Variants in TFG observed in about 807,000 individuals in gnomAD.
The protein encoded by TFG is trafficking from ER to golgi regulator.
A neutral mutation model predicts 51.4 loss-of-function variants in TFG; 22 were observed. The ratio of observed to expected loss-of-function variants is 0.43; its 90% confidence interval spans 0.31 to 0.61. The LOEUF (loss-of-function observed/expected upper bound fraction) is 0.61, where lower values mean the gene tolerates loss of function less well. Ranked by LOEUF, TFG falls within the 20% of genes least tolerant of loss-of-function variation. The pLI is 0.12. For synonymous variants in TFG, 187 were observed against 165.6 expected (o/e 1.13, Z -0.99); for missense variants, 419 against 487.7 (o/e 0.86, Z 1.33).
chr3:100,713,935 C>T (rs2095038271), intron 2 of TFG, 66 bp downstream of exon 2: 1 of 1,066,380 alleles, frequency 9.4e-7, no homozygotes, highest in Admixed American at 2.8e-5. Context: ...GACAGAGCCT[C>T]TGTTGCCCAG....
chr3:100,713,343 A>T (rs1370852763), intron 1 of TFG, among the ~76,000 whole-genome samples: 1 of 152,220 alleles, frequency 6.6e-6, no homozygotes, highest in Non-Finnish European at 1.5e-5. Flanking sequence ...AGCCTCTAGG[A>T]GAGGCAGGTT....
intron 6 of TFG, among the ~76,000 whole-genome samples, chr3:100,738,412 T>A (rs1034013090): frequency 6.6e-6 from 1 of 152,250 alleles, no homozygotes; most frequent in Non-Finnish European, 1.5e-5. Flanking sequence ...CAATGACAGT[T>A]GGAAGGATCA....
intron 5 of TFG, among the ~76,000 whole-genome samples, chr3:100,733,824 G>GA (rs1559717115): frequency 6.6e-6 from 1 of 151,996 alleles, no homozygotes; most frequent in Non-Finnish European, 1.5e-5. Context: ...CTCTCTAAAA[G>GA]AAAAAGGTAT....
intron 6 of TFG, chr3:100,743,030 T>A (rs2149094865): frequency 6.6e-6 from 1 of 152,242 alleles, no homozygotes; most frequent in Admixed American, 6.5e-5. Context: ...CCTTTTTTGA[T>A]GATGCCCAAG....
intron 7 of TFG, among the ~76,000 whole-genome samples, chr3:100,747,772 A>G (rs1050082306): frequency 6.6e-6 from 1 of 152,176 alleles, no homozygotes; most frequent in Non-Finnish European, 1.5e-5. Flanking sequence ...ATTCTCCGCA[A>G]TGTGTTTTTA....
intron 7 of TFG, among the ~76,000 whole-genome samples, chr3:100,746,372 G>A (rs1395419292): frequency 1.3e-5 from 2 of 152,098 alleles, no homozygotes; most frequent in African/African-American, 4.8e-5. Context: ...GAAAGAGATT[G>A]TGACTTGTCA....
intron 1 of TFG, among the ~76,000 whole-genome samples, chr3:100,711,240 T>C (rs1395608174): frequency 6.6e-6 from 1 of 152,122 alleles, no homozygotes; most frequent in Non-Finnish European, 1.5e-5. Flanking sequence ...GTATCTGGGA[T>C]TACAGGCGTG....
intron 7 of TFG, among the ~76,000 whole-genome samples, 194 bp downstream of exon 7, chr3:100,745,125 G>T (rs1028934979): frequency 6.6e-6 from 1 of 151,982 alleles, no homozygotes; most frequent in Non-Finnish European, 1.5e-5. Flanking sequence ...CAGTTTTCTG[G>T]TGGGGAGATA....
At chr3:100,715,034 C>T (rs2095041803) in intron 2 of TFG, among the ~76,000 whole-genome samples, 1 of 152,080 alleles carries the variant, frequency 6.6e-6, no homozygotes, top group Non-Finnish European at 1.5e-5. Context: ...TAATCTTGAC[C>T]TCACTGTTTA....
At chr3:100,729,014 C>CTT (rs2149078492) in intron 4 of TFG, among the ~76,000 whole-genome samples, 156 bp downstream of exon 4, 1 of 152,302 alleles carries the variant, frequency 6.6e-6, no homozygotes, top group Non-Finnish European at 1.5e-5. Flanking sequence ...TGTTCCTAAA[C>CTT]TTTGCTGTTC....
intron 2 of TFG, among the ~76,000 whole-genome samples, chr3:100,718,165 G>A (rs2095051350): frequency 1.3e-5 from 2 of 152,174 alleles, no homozygotes; most frequent in Admixed American, 6.5e-5. Flanking sequence ...GGGCTCAAGC[G>A]ATCCTCCTGC....
intron 7 of TFG, 96 bp from the exon 8 acceptor site, chr3:100,748,053 C>A (rs911102343): frequency 1.1e-5 from 12 of 1,140,714 alleles, no homozygotes; most frequent in African/African-American, 3.1e-5. Flanking sequence ...TATTAAATTT[C>A]TCACCATTTT....
intron 3 of TFG, among the ~76,000 whole-genome samples, chr3:100,726,016 A>T (rs1297573653): frequency 6.6e-6 from 1 of 152,214 alleles, no homozygotes; most frequent in Non-Finnish European, 1.5e-5. Context: ...GTCCGGTGAT[A>T]GGCCATCTGC....
chr3:100,747,470 G>C (rs2095140315), intron 7 of TFG: 1 of 152,450 alleles, frequency 6.6e-6, no homozygotes, highest in South Asian at 2.1e-4. Context: ...TTTCATGGTA[G>C]AGATAAAAGT....
At chr3:100,718,201 A>G (rs562493927) in intron 2 of TFG, among the ~76,000 whole-genome samples, 16 of 152,372 alleles carry the variant, frequency 1.1e-4, no homozygotes, top group Admixed American at 7.8e-4. Context: ...TACTGAGATT[A>G]CAGGCATGAG....
chr3:100,734,777 T>A (rs990538904), intron 5 of TFG, among the ~76,000 whole-genome samples: 7 of 152,188 alleles, frequency 4.6e-5, no homozygotes, highest in African/African-American at 1.4e-4. Context: ...GAGGTCAGAC[T>A]TTTAAATTTT....
chr3:100,732,247 T>C (rs1464844927), intron 4 of TFG, among the ~76,000 whole-genome samples: 2 of 152,196 alleles, frequency 1.3e-5, no homozygotes, highest in East Asian at 3.8e-4. Context: ...TTTCATCTAA[T>C]GTTTCTTACA....
rs1056816758 is a variant in TFG, at chr3:100,709,504, C to T, written c.-261C>T. On this transcript the variant is annotated 5_prime_UTR_variant, in exon 1 of 8. Coordinates refer to ENST00000240851, the MANE Select transcript of TFG (RefSeq NM_006070.6). Reference sequence around the variant, plus strand: ...CTTGCTCCCGCCTCTGTTCTTCCCCCACCTGCCACGTACAGAGCCCAAGTT... The same window carrying T: ...CTTGCTCCCGCCTCTGTTCTTCCCCTACCTGCCACGTACAGAGCCCAAGTT... The T allele has an allele frequency of 2.0e-5, 3 of 152,418 alleles. No individual in the cohort carries two copies. Among genetic ancestry groups the T allele is most frequent in the African/African-American group, 4.8e-5 (2 of 41,446 alleles). 9.4% of individuals were successfully genotyped at this position (152,418 alleles called of 1,614,324 possible). A position where few individuals can be genotyped will look rare whatever the true frequency, so the allele number is the denominator to read the frequency against.
At chr3:100,721,718 C>T (rs576162644) in intron 3 of TFG, among the ~76,000 whole-genome samples, 3 of 152,204 alleles carry the variant, frequency 2.0e-5, no homozygotes, top group South Asian at 2.1e-4. Context: ...CAGACAAAAC[C>T]GTAAGACACA....
Sources: gnomAD v4.1 joint callset for allele counts (sites outside exome capture counted in the v4.1 genomes callset) on GRCh38, gnomAD v4.1.1 for gene constraint, MANE v1.5 for transcripts, NCBI Gene and HGNC (gene_info 2026-07-23, HGNC 2026-07-21) for gene names.